PRTG: variants seen among roughly 807,000 people sequenced by gnomAD.
PRTG encodes immunoglobulin superfamily, DCC subclass, member 5.
A neutral mutation model predicts 122.5 loss-of-function variants in PRTG; 67 were observed. The observed-to-expected ratio is 0.55, with a 90% CI of 0.45 to 0.67. The LOEUF is 0.67. Ranked by LOEUF, PRTG falls within the 30% of genes least tolerant of loss-of-function variation. The pLI is 0.00. For missense variants in PRTG, 1,435 were observed against 1,415.4 expected, an observed-to-expected ratio of 1.01 and a Z score of -0.22; for synonymous variants, 554 against 501.1, an observed-to-expected ratio of 1.11 and a Z score of -1.41.
intron 6 of PRTG, 89 bp downstream of exon 6, chr15:55,679,965 A>G: frequency 1.0e-6 from 1 of 1,001,798 alleles, no homozygotes; most frequent in Non-Finnish European, 1.5e-6. Context: ...AATGCTACAA[A>G]GCTCAAGAAA....
chr15:55,623,769 CTAT>C (rs1347106634), intron 18 of PRTG, among the ~76,000 whole-genome samples: 1 of 152,174 alleles, frequency 6.6e-6, no homozygotes, highest in African/African-American at 2.4e-5. Context: ...TACAACAGCA[CTAT>C]TATTATATAT....
At chr15:55,687,895 A>T (rs561499503) in intron 2 of PRTG, among the ~76,000 whole-genome samples, 2 of 152,350 alleles carry the variant, frequency 1.3e-5, no homozygotes, top group South Asian at 4.1e-4. Context: ...TGAATCAACA[A>T]TGAAAGTAAA....
chr15:55,742,869 G>C lies in PRTG; in HGVS notation c.63C>G (p.Leu21=), dbSNP rs1393493618. 3.3e-6 allele frequency: 5 copies of C among 1,536,954 alleles called. No individual in the cohort carries two copies. The highest frequency in any genetic ancestry group is 4.4e-6 in the Non-Finnish European group (5 of 1,140,734). The change falls in exon 1 of 20, where the codon CTC becomes CTG. Residue 21 remains leucine (L), a synonymous_variant. Transcript: ENST00000389286. ...LRPPGMLLRA[L]LLLLLLSPLP... is the part of the protein sequence containing the mutation. ...AAGGACTGAGCAGCAGCAGGAGCAG[G>C]AGCGCGCGGAGCAGCATCCCCGGCG...
chr15:55,691,409 A>G (rs191376098), intron 2 of PRTG, among the ~76,000 whole-genome samples: 97 of 151,970 alleles, frequency 6.4e-4, no homozygotes, highest in African/African-American at 1.2e-3. Flanking sequence ...AAGGCTGGGC[A>G]CGGTGGCTCA....
intron 11 of PRTG, among the ~76,000 whole-genome samples, chr15:55,649,699 C>A (rs911745664): frequency 3.9e-5 from 6 of 151,902 alleles, no homozygotes; most frequent in African/African-American, 1.5e-4. Flanking sequence ...GGCTGAGGCA[C>A]AAGAATCGCT....
At chr15:55,742,750 C>T in intron 1 of PRTG, 88 bp downstream of exon 1, 1 of 1,485,224 alleles carries the variant, frequency 6.7e-7, no homozygotes, top group Admixed American at 2.0e-5. Flanking sequence ...GCGCGCTCCC[C>T]ACGCCCCATC....
At chr15:55,675,457 A>C in intron 9 of PRTG, 62 bp downstream of exon 9, 1 of 1,212,158 alleles carries the variant, frequency 8.2e-7, no homozygotes, top group Non-Finnish European at 1.1e-6. Flanking sequence ...ACATTTATTC[A>C]TTGAAATTGA....
chr15:55,721,755 C>T (rs1037336415), intron 2 of PRTG, among the ~76,000 whole-genome samples: 6 of 152,034 alleles, frequency 3.9e-5, no homozygotes, highest in Non-Finnish European at 7.4e-5. Context: ...CTTACAATCA[C>T]GGGAGAGGGA....
At chr15:55,704,060 TG>T (rs2029990006) in intron 2 of PRTG, among the ~76,000 whole-genome samples, 1 of 152,242 alleles carries the variant, frequency 6.6e-6, no homozygotes. Flanking sequence ...GTTCAACTTG[TG>T]TGGCTCCTAT....
chr15:55,681,302 T>G (rs2059536615), intron 4 of PRTG: 1 of 152,020 alleles, frequency 6.6e-6, no homozygotes, highest in African/African-American at 2.4e-5. Flanking sequence ...TTTTCTAAAT[T>G]TCTTCTTTTT....
At chr15:55,639,234 C>A (rs183679576) in intron 13 of PRTG, among the ~76,000 whole-genome samples, 5 of 152,276 alleles carry the variant, frequency 3.3e-5, no homozygotes, top group South Asian at 2.1e-4. Context: ...TCAGCCCCCC[C>A]AAAATCATTC....
At position 55,617,129 on chromosome 15, in the gene PRTG, A is replaced by C. The variant is rs1305941361; in HGVS notation, c.*2883T>G. 6.6e-6 allele frequency: 1 copy of C among 152,176 alleles called. No homozygotes were observed. Among genetic ancestry groups the C allele is most frequent in the African/African-American group, 2.4e-5 (1 of 41,472 alleles). 9.4% of individuals were successfully genotyped at this position (152,176 alleles called of 1,614,324 possible). On this transcript the variant is annotated 3_prime_UTR_variant, in exon 20 of 20. Coordinates refer to ENST00000389286, the MANE Select transcript of PRTG (RefSeq NM_173814.6). The stretch of plus-strand genomic sequence containing the variant: ...CATTTTAATTACAATTTCATACTTA[A>C]GACTTCAAAGAAGCTTGATTTGGTC...
At chr15:55,681,403 T>C (rs1456469426) in intron 4 of PRTG, 1 of 152,114 alleles carries the variant, frequency 6.6e-6, no homozygotes, top group African/African-American at 2.4e-5. Context: ...CCAGGTTTTC[T>C]TCTACTACAT....
chr15:55,701,903 AAT>A (rs925583747), intron 2 of PRTG, among the ~76,000 whole-genome samples: 11 of 152,180 alleles, frequency 7.2e-5, no homozygotes, highest in Non-Finnish European at 1.2e-4. Context: ...GAAAATGCAA[AAT>A]ATATGGGCTG....
At chr15:55,732,981 G>A (rs1180934850) in intron 2 of PRTG, among the ~76,000 whole-genome samples, 1 of 152,070 alleles carries the variant, frequency 6.6e-6, no homozygotes, top group Non-Finnish European at 1.5e-5. Flanking sequence ...GGAGGCTGAG[G>A]CGGGCAGACC....
chr15:55,656,003 C>G (rs1227885660), intron 11 of PRTG: 2 of 159,190 alleles, frequency 1.3e-5, no homozygotes, highest in East Asian at 3.7e-4. Flanking sequence ...ACACATCTTT[C>G]CTTTTATTGA....
intron 15 of PRTG, among the ~76,000 whole-genome samples, chr15:55,629,984 A>G (rs1375223257): frequency 4.0e-5 from 5 of 125,262 alleles, no homozygotes; most frequent in Non-Finnish European, 6.8e-5. Context: ...CACCAGGTTA[A>G]TTTTTTTTTT....
intron 18 of PRTG, among the ~76,000 whole-genome samples, chr15:55,621,502 A>G (rs1246526040): frequency 6.6e-6 from 1 of 151,930 alleles, no homozygotes; most frequent in African/African-American, 2.4e-5. Context: ...CTAAAAATAC[A>G]AAAAAAATTA....
chr15:55,614,956 G>A lies in PRTG; in HGVS notation c.*5056C>T, dbSNP rs2059135511. 6.6e-6 allele frequency: 1 copy of A among 152,072 alleles called. No individual in the cohort carries two copies. The highest frequency in any genetic ancestry group is 2.4e-5 in the African/African-American group (1 of 41,406). The allele number at this position is 152,072 out of a possible 1,614,324, so 9.4% of individuals were successfully genotyped here. ...AATATGTTACCAAACATAGCAAAAGGAACTCTGTAGATGTGATTAAGTTGA... is the reference window on the plus strand; with the variant it reads ...AATATGTTACCAAACATAGCAAAAGAAACTCTGTAGATGTGATTAAGTTGA... On this transcript the variant is annotated 3_prime_UTR_variant, in exon 20 of 20. Transcript: ENST00000389286.
Sources: gnomAD v4.1 joint callset for allele counts (sites outside exome capture counted in the v4.1 genomes callset) on GRCh38, gnomAD v4.1.1 for gene constraint, MANE v1.5 for transcripts, NCBI Gene and HGNC (gene_info 2026-07-23, HGNC 2026-07-21) for gene names.